CWH43: variants seen among roughly 807,000 people sequenced by gnomAD.
CWH43 encodes the protein cell wall biogenesis 43 C-terminal homolog.
A neutral mutation model predicts 85.7 loss-of-function variants in CWH43; 91 were observed. The observed-to-expected ratio is 1.06, with a 90% CI of 0.90 to 1.26. CWH43 has a LOEUF of 1.26. Among genes scored for constraint, CWH43 ranks in the 50% most tolerant of loss-of-function variants. The pLI is 0.00. For synonymous variants in CWH43, 323 were observed against 293.6 expected (o/e 1.10, Z -1.02); for missense variants, 869 against 839.2 (o/e 1.04, Z -0.44).
chr4:49,020,143 T>G (rs548400244), intron 9 of CWH43, among the ~76,000 whole-genome samples: 39 of 152,186 alleles, frequency 2.6e-4, no homozygotes, highest in South Asian at 1.0e-3. Flanking sequence ...TTGTAGTCTT[T>G]TATTCCTCAC....
At chr4:48,997,516 G>A (rs1330380191) in intron 5 of CWH43, among the ~76,000 whole-genome samples, 1 of 152,056 alleles carries the variant, frequency 6.6e-6, no homozygotes, top group Non-Finnish European at 1.5e-5. Flanking sequence ...TGTTGATTTG[G>A]GAGTAGAAAA....
intron 5 of CWH43, 80 bp downstream of exon 5, chr4:48,994,900 G>T: frequency 1.8e-6 from 2 of 1,114,680 alleles, no homozygotes; most frequent in Non-Finnish European, 2.7e-6. Flanking sequence ...AGACAGCTAG[G>T]TCTGTGCTAG....
At chr4:49,058,570 A>G (rs1023004462) in intron 15 of CWH43, among the ~76,000 whole-genome samples, 2 of 152,192 alleles carry the variant, frequency 1.3e-5, no homozygotes, top group Non-Finnish European at 2.9e-5. Flanking sequence ...TAAGTTTTAT[A>G]CTTTCATATG....
chr4:48,998,737 C>G (rs1339022238), intron 6 of CWH43, among the ~76,000 whole-genome samples, 189 bp downstream of exon 6: 1 of 152,138 alleles, frequency 6.6e-6, no homozygotes, highest in East Asian at 1.9e-4. Context: ...CTCTGAGTTC[C>G]TGCTTCCTCC....
chr4:49,028,810 C>A, intron 10 of CWH43, 76 bp downstream of exon 10: 1 of 937,774 alleles, frequency 1.1e-6, no homozygotes, highest in Non-Finnish European at 1.7e-6. Context: ...GGTCATAAGC[C>A]ATAACTTAAT....
intron 8 of CWH43, among the ~76,000 whole-genome samples, chr4:49,007,865 C>T (rs1294888584): frequency 1.3e-5 from 2 of 152,186 alleles, no homozygotes; most frequent in Non-Finnish European, 2.9e-5. Context: ...TTAATCCAGT[C>T]TATCATTGAT....
chr4:49,007,332 T>A lies in CWH43; in HGVS notation c.1186+6T>A. The A allele has an allele frequency of 6.3e-7, 1 of 1,576,942 alleles. No individual in the cohort carries two copies. Among genetic ancestry groups the A allele is most frequent in the African/African-American group, 1.4e-5 (1 of 73,106 alleles). On this transcript the variant is annotated splice_donor_region_variant and intron_variant, in intron 8 of 15. Coordinates refer to ENST00000226432, the MANE Select transcript of CWH43 (RefSeq NM_025087.3). ...TGAAAAATACATGAAACTTTGTAAG[T>A]ATAGTTTTACATTCTTAAAAAAAAT...
intron 11 of CWH43, among the ~76,000 whole-genome samples, chr4:49,031,927 C>T (rs544080614): frequency 6.6e-6 from 1 of 152,264 alleles, no homozygotes; most frequent in South Asian, 2.1e-4. Context: ...GTGTGAGATA[C>T]CCCAAGACAG....
intron 15 of CWH43, among the ~76,000 whole-genome samples, chr4:49,060,199 C>A (rs1473668058): frequency 6.6e-6 from 1 of 152,006 alleles, no homozygotes; most frequent in Non-Finnish European, 1.5e-5. Flanking sequence ...GCCAGCCTAG[C>A]ACCAGGTTGG....
At chr4:49,026,215 C>A (rs533818304) in intron 9 of CWH43, among the ~76,000 whole-genome samples, 237 of 152,344 alleles carry the variant, frequency 1.6e-3, no homozygotes, top group African/African-American at 5.6e-3. Context: ...GCCCCCACAA[C>A]AGCACTGAGT....
chr4:49,038,340 T>C (rs1784326077), intron 13 of CWH43, among the ~76,000 whole-genome samples, 160 bp downstream of exon 13: 1 of 152,174 alleles, frequency 6.6e-6, no homozygotes, highest in Non-Finnish European at 1.5e-5. Context: ...ACAACAGCAA[T>C]CATCTATTTG....
At chr4:49,018,781 A>G (rs1783641205) in intron 9 of CWH43, among the ~76,000 whole-genome samples, 2 of 152,208 alleles carry the variant, frequency 1.3e-5, no homozygotes, top group African/African-American at 4.8e-5. Context: ...TTTCATTTTG[A>G]ATAAAAAGCT....
At chr4:49,000,076 T>G (rs1253949802) in intron 6 of CWH43, among the ~76,000 whole-genome samples, 2 of 152,178 alleles carry the variant, frequency 1.3e-5, no homozygotes, top group Admixed American at 1.3e-4. Context: ...ACCACTTTAT[T>G]ATATAGCAAA....
chr4:49,049,841 G>C (rs1308875148), intron 14 of CWH43, among the ~76,000 whole-genome samples: 1 of 152,032 alleles, frequency 6.6e-6, no homozygotes, highest in Non-Finnish European at 1.5e-5. Context: ...ACTCATCACT[G>C]CCTGTCCTTC....
intron 13 of CWH43, among the ~76,000 whole-genome samples, chr4:49,041,534 G>C (rs1488372163): frequency 6.6e-6 from 1 of 152,104 alleles, no homozygotes; most frequent in African/African-American, 2.4e-5. Flanking sequence ...CTCATGATTT[G>C]GCTCTCTGTT....
intron 6 of CWH43, among the ~76,000 whole-genome samples, chr4:49,003,151 T>C (rs1783046490): frequency 6.6e-6 from 1 of 152,206 alleles, no homozygotes; most frequent in Non-Finnish European, 1.5e-5. Flanking sequence ...GCATAGCTCC[T>C]GACACCTAGC....
intron 15 of CWH43, 66 bp from the exon 16 acceptor site, chr4:49,061,746 A>G: frequency 8.5e-7 from 1 of 1,182,256 alleles, no homozygotes. Flanking sequence ...AATTTTACAT[A>G]AGAACATACC....
chr4:49,027,817 C>T (rs1783963030), intron 9 of CWH43, among the ~76,000 whole-genome samples: 2 of 152,086 alleles, frequency 1.3e-5, no homozygotes, highest in South Asian at 4.1e-4. Context: ...CCATTGCCAC[C>T]TCCCTCCCTG....
chr4:49,010,336 T>C (rs1380181640), intron 8 of CWH43, among the ~76,000 whole-genome samples: 1 of 152,244 alleles, frequency 6.6e-6, no homozygotes, highest in Non-Finnish European at 1.5e-5. Context: ...CTTTATCATT[T>C]TTTATCATGT....
Sources: allele counts gnomAD v4.1 joint callset (sites outside exome capture counted in the v4.1 genomes callset), GRCh38; gene constraint gnomAD v4.1.1; transcripts MANE v1.5; gene names NCBI Gene and HGNC (gene_info 2026-07-23, HGNC 2026-07-21).